NBAS: variants seen among roughly 807,000 people sequenced by gnomAD.
NBAS encodes the protein NAG/BC035112 fusion.
In NBAS, 219 loss-of-function variants were observed where a neutral mutation model predicts 302.5. That is an observed-to-expected ratio of 0.72 (90% CI 0.65 to 0.81). NBAS has a LOEUF of 0.81. Among genes scored for constraint, NBAS ranks in the 30% least tolerant of loss-of-function variants. NBAS has a pLI of 0.00. For synonymous variants in NBAS, 1,118 were observed against 1,021.6 expected (o/e 1.09, Z -1.80); for missense variants, 2,932 against 2,841.6 (o/e 1.03, Z -0.72).
chr2:14,858,746 T>C, the NBAS span, among the ~76,000 whole-genome samples: 5 of 152,020 alleles, frequency 3.3e-5, no homozygotes, highest in African/African-American at 1.2e-4. Context: ...GAATAAGAAC[T>C]AGTACTTGCT....
At chr2:15,220,052 C>A (rs1171182267) in intron 47 of NBAS, among the ~76,000 whole-genome samples, 1 of 107,186 alleles carries the variant, frequency 9.3e-6, no homozygotes, top group Admixed American at 9.1e-5. Flanking sequence ...ACCTCCCTCC[C>A]GGACGGGGCG....
chr2:15,327,605 G>A lies in NBAS; in HGVS notation c.4582+145C>T, dbSNP rs563565504. ...TTTTAAACAAAATTAATAAATGGAT[G>A]AATGAACGAATGATGATGTCAAGTT... is the stretch of plus-strand genomic sequence containing the variant. On this transcript the variant is annotated intron_variant, in intron 38 of 51. Transcript: ENST00000281513. The A allele has an allele frequency of 1.9e-4, 178 of 945,814 alleles. 1 individual carries two copies. The South Asian group carries it at 2.6e-3, about 14-fold the overall frequency. 58.6% of individuals were successfully genotyped at this position (945,814 alleles called of 1,614,324 possible).
rs1298027108 is a variant in NBAS at position 15,330,649 on chromosome 2, GA to G, written c.4295del (p.Val1432AlafsTer11). The stretch of plus-strand genomic sequence containing the variant: ...ACTTCTTCCACCACTGCCCATCACT[GA>G]CGGCCTGCAGCACCGCTTTGGTGGT... Reference protein sequence around the residue: ...TTTTKAVLQAVSDGQWWKKSL... With the variant: ...TTTTKAVLQAXSDGQWWKKSL... On this transcript the variant is annotated frameshift_variant, in exon 36 of 52. Transcript: ENST00000281513. LOFTEE classifies it high-confidence loss of function. 6.2e-7 allele frequency: 1 copy of G among 1,613,936 alleles called. No individual in the cohort carries two copies. Among genetic ancestry groups the G allele is most frequent in the Non-Finnish European group, 8.5e-7 (1 of 1,179,954 alleles).
chr2:14,823,731 C>CT, the NBAS span, among the ~76,000 whole-genome samples: 1 of 152,152 alleles, frequency 6.6e-6, no homozygotes, highest in African/African-American at 2.4e-5. Context: ...ATAAAAGTTG[C>CT]TTTTTTTTCC....
intron 44 of NBAS, among the ~76,000 whole-genome samples, chr2:15,242,977 G>A (rs909967693): frequency 2.0e-5 from 3 of 152,134 alleles, no homozygotes; most frequent in Admixed American, 6.5e-5. Context: ...ATAATATAGT[G>A]AGAAGGGGGT....
At chr2:15,280,175 C>T (rs1669761732) in intron 42 of NBAS, among the ~76,000 whole-genome samples, 1 of 152,108 alleles carries the variant, frequency 6.6e-6, no homozygotes, top group Non-Finnish European at 1.5e-5. Context: ...TAATGGCTTC[C>T]AGATGTCAGT....
the NBAS span, among the ~76,000 whole-genome samples, chr2:14,960,539 G>T: frequency 2.0e-5 from 3 of 152,146 alleles, no homozygotes; most frequent in Non-Finnish European, 4.4e-5. Context: ...TTGATGATGA[G>T]AAATCTAATG....
intron 34 of NBAS, 93 bp downstream of exon 34, chr2:15,353,460 T>C (rs1393863832): frequency 2.7e-6 from 4 of 1,460,720 alleles, no homozygotes; most frequent in Non-Finnish European, 2.9e-6. Context: ...AAAATTCTCA[T>C]ACTACTTTTT....
chr2:15,407,055 T>C (rs1676449183), intron 25 of NBAS, among the ~76,000 whole-genome samples: 1 of 152,140 alleles, frequency 6.6e-6, no homozygotes. Flanking sequence ...ACACCAATAA[T>C]ATAAAAATAC....
rs1452082999 is a variant in NBAS at position 15,275,821 on chromosome 2, A to G, written c.5390-3T>C. 2 of 1,611,482 alleles carry G rather than the reference A, an allele frequency of 1.2e-6. No individual in the cohort carries two copies. The highest frequency in any genetic ancestry group is 1.7e-5 in the Admixed American group (1 of 60,014). On this transcript the variant is annotated splice_polypyrimidine_tract_variant and splice_region_variant and intron_variant, in intron 43 of 51. Coordinates refer to ENST00000281513, the MANE Select transcript of NBAS (RefSeq NM_015909.4). ...TGTCAGCTTTTTGTAATTAAGACCT[A>G]GCAGAAAAAAAAAGAAAGTAGGTAA...
chr2:15,019,847 C>G, the NBAS span, among the ~76,000 whole-genome samples: 32 of 151,768 alleles, frequency 2.1e-4, no homozygotes, highest in Middle Eastern at 3.4e-3. Context: ...AGACACTCAA[C>G]AGAAAACGAC....
chr2:15,463,553 C>T (rs1394466444), intron 19 of NBAS, among the ~76,000 whole-genome samples: 4 of 152,090 alleles, frequency 2.6e-5, no homozygotes, highest in African/African-American at 9.7e-5. Flanking sequence ...TCCCTCATTC[C>T]TTCTATCAGC....
rs769002296 is a variant in NBAS, at chr2:15,561,232, C to T, written c.73G>A (p.Asp25Asn). Residue 25 changes from aspartate (D) to asparagine (N), a missense_variant, in exon 1 of 52, where the codon GAC (aspartate) becomes AAC (asparagine). Physicochemically the swap from Asp to Asn is conservative, Grantham distance 23. Coordinates refer to ENST00000281513, the MANE Select transcript of NBAS (RefSeq NM_015909.4). ...GGCCACTCGGTGTTGACCAACAAGT[C>T]ATAGAGAATCGTCTCCTCCTCACCC... is the stretch of plus-strand genomic sequence containing the variant. ...AEGEEETILY[D>N]LLVNTEWPPE... is the part of the protein sequence containing the mutation. The T allele has an allele frequency of 1.6e-5, 26 of 1,614,052 alleles. No homozygotes were observed. In the South Asian group the frequency reaches 2.6e-4, roughly 16 times the overall value.
At chr2:14,864,237 C>T in the NBAS span, among the ~76,000 whole-genome samples, 2 of 150,878 alleles carry the variant, frequency 1.3e-5, no homozygotes, top group African/African-American at 4.9e-5. Context: ...AAATCACTTG[C>T]ACCCAGGAGG....
chr2:15,354,325 C>T (rs1673513733), intron 33 of NBAS, among the ~76,000 whole-genome samples: 1 of 152,192 alleles, frequency 6.6e-6, no homozygotes, highest in Non-Finnish European at 1.5e-5. Flanking sequence ...TTTTCCTATA[C>T]ATTATACTCT....
intron 11 of NBAS, among the ~76,000 whole-genome samples, chr2:15,500,541 A>G (rs1034416363): frequency 7.9e-6 from 1 of 125,914 alleles, no homozygotes; most frequent in South Asian, 2.5e-4. Flanking sequence ...CACACACACA[A>G]AATTAGAAAT....
intron 35 of NBAS, among the ~76,000 whole-genome samples, chr2:15,331,448 A>G (rs901002485): frequency 2.6e-5 from 4 of 152,170 alleles, no homozygotes; most frequent in Non-Finnish European, 5.9e-5. Flanking sequence ...GAAAAATATT[A>G]TTTGTTCTAT....
chr2:15,504,402 G>C (rs939385880), intron 10 of NBAS, among the ~76,000 whole-genome samples, 189 bp from the exon 11 acceptor site: 3 of 152,018 alleles, frequency 2.0e-5, no homozygotes, highest in Non-Finnish European at 4.4e-5. Context: ...AATCCACCAA[G>C]TGGTACAATC....
the NBAS span, among the ~76,000 whole-genome samples, chr2:15,035,777 G>A: frequency 2.0e-5 from 3 of 152,146 alleles, no homozygotes; most frequent in Non-Finnish European, 4.4e-5. Context: ...CTCATCAGTG[G>A]GAGCTGAACA....
Sources: allele counts gnomAD v4.1 joint callset (sites outside exome capture counted in the v4.1 genomes callset), GRCh38; gene constraint gnomAD v4.1.1; transcripts MANE v1.5; gene names NCBI Gene and HGNC (gene_info 2026-07-23, HGNC 2026-07-21).